Variants in LPAR3 observed in about 807,000 individuals in gnomAD.
LPAR3 encodes the protein LPA receptor 3.
A neutral mutation model predicts 17.8 loss-of-function variants in LPAR3; 7 were observed. That is an observed-to-expected ratio of 0.39 (90% CI 0.22 to 0.74). The LOEUF (loss-of-function observed/expected upper bound fraction) is 0.74, where lower values mean the gene tolerates loss of function less well. Among genes scored for constraint, LPAR3 ranks in the 30% least tolerant of loss-of-function variants. The pLI, the probability that LPAR3 is intolerant of heterozygous loss-of-function variation, is 0.40. For missense variants in LPAR3, 391 were observed against 453.4 expected (o/e 0.86, Z 1.25); for synonymous variants, 179 against 179.9 (o/e 0.99, Z 0.04).
intron 1 of LPAR3, among the ~76,000 whole-genome samples, chr1:84,885,560 C>T (rs1468513755): frequency 1.3e-5 from 2 of 152,190 alleles, no homozygotes; most frequent in African/African-American, 4.8e-5. Flanking sequence ...CTCTTTTCTT[C>T]CTTCCCCAGA....
intron 2 of LPAR3, among the ~76,000 whole-genome samples, chr1:84,830,041 T>C (rs1231293609): frequency 6.6e-6 from 1 of 152,174 alleles, no homozygotes; most frequent in Non-Finnish European, 1.5e-5. Context: ...TACTGAAATC[T>C]GACTGAAGGC....
chr1:84,838,492 A>G (rs1440535025), intron 2 of LPAR3, among the ~76,000 whole-genome samples: 1 of 152,206 alleles, frequency 6.6e-6, no homozygotes, highest in Non-Finnish European at 1.5e-5. Flanking sequence ...CCATCCCAAC[A>G]TGTGAAAAAT....
intron 2 of LPAR3, among the ~76,000 whole-genome samples, chr1:84,857,476 C>T (rs1425139809): frequency 2.0e-5 from 3 of 152,110 alleles, no homozygotes; most frequent in Non-Finnish European, 4.4e-5. Context: ...TTCCCCCCGC[C>T]GACTCCAAAG....
intron 1 of LPAR3, among the ~76,000 whole-genome samples, chr1:84,890,657 C>T (rs1056629837): frequency 6.6e-6 from 1 of 152,316 alleles, no homozygotes; most frequent in African/African-American, 2.4e-5. Flanking sequence ...TGCAAACAGA[C>T]TTAACCACTC....
intron 2 of LPAR3, among the ~76,000 whole-genome samples, chr1:84,830,976 A>C (rs926003561): frequency 1.4e-4 from 22 of 152,202 alleles, no homozygotes; most frequent in Admixed American, 1.2e-3. Context: ...TATCATGAGC[A>C]CACTGATACA....
intron 2 of LPAR3, among the ~76,000 whole-genome samples, chr1:84,852,051 ATTTTT>A (rs11289460): frequency 7.5e-6 from 1 of 132,668 alleles, no homozygotes. Flanking sequence ...TTGGTGACTA[ATTTTT>A]TTTTTTTTTT....
rs765129531 is a variant in LPAR3, at chr1:84,865,514, C to T, written c.607G>A (p.Val203Ile). ...ACGTAGATCCGCAGGTACACCACAA[C>T]CATGATGAGGAAGGCCATGAGGTTG... ...VSNLMAFLIM[V>I]VVYLRIYVYV... Residue 203 changes from valine (V) to isoleucine (I), a missense_variant, in exon 2 of 3, where the codon GTT becomes ATT. By Grantham distance (29) the Val-to-Ile change is conservative. Coordinates refer to ENST00000370611, the MANE Select transcript of LPAR3 (RefSeq NM_012152.3). 3 of 1,614,046 alleles carry T rather than the reference C, an allele frequency of 1.9e-6. No homozygotes were observed. The highest frequency in any genetic ancestry group is 2.2e-5 in the East Asian group (1 of 44,890).
At chr1:84,879,668 C>G (rs901156560) in intron 1 of LPAR3, among the ~76,000 whole-genome samples, 5 of 152,216 alleles carry the variant, frequency 3.3e-5, no homozygotes, top group African/African-American at 1.2e-4. Context: ...GGACGCCCAA[C>G]TGTACACTCG....
At chr1:84,861,206 C>T (rs912187345) in intron 2 of LPAR3, among the ~76,000 whole-genome samples, 2 of 152,228 alleles carry the variant, frequency 1.3e-5, no homozygotes, top group East Asian at 3.9e-4. Context: ...ATGGTTAATG[C>T]CAGCACTGTT....
At chr1:84,876,904 T>A (rs910656623) in intron 1 of LPAR3, among the ~76,000 whole-genome samples, 19 of 152,180 alleles carry the variant, frequency 1.2e-4, no homozygotes, top group African/African-American at 4.1e-4. Context: ...GTCCTCAATG[T>A]CCCCGCACAA....
intron 1 of LPAR3, among the ~76,000 whole-genome samples, chr1:84,882,722 A>C (rs2102773019): frequency 6.6e-6 from 1 of 152,380 alleles, no homozygotes; most frequent in Middle Eastern, 3.4e-3. Flanking sequence ...CCAAGAATTC[A>C]CAATGGAGAA....
chr1:84,820,673 C>CT (rs759631152), intron 2 of LPAR3, among the ~76,000 whole-genome samples: 7 of 152,066 alleles, frequency 4.6e-5, no homozygotes, highest in South Asian at 2.1e-4. Context: ...ACTAATAAGC[C>CT]TTTTTTAACC....
intron 1 of LPAR3, among the ~76,000 whole-genome samples, chr1:84,882,613 G>T (rs1660386754): frequency 6.6e-6 from 1 of 152,168 alleles, no homozygotes; most frequent in African/African-American, 2.4e-5. Flanking sequence ...ATGGTAGTAT[G>T]GTACTGGCAT....
intron 2 of LPAR3, among the ~76,000 whole-genome samples, chr1:84,838,575 C>T (rs937166342): frequency 2.0e-5 from 3 of 152,190 alleles, no homozygotes; most frequent in Admixed American, 6.5e-5. Flanking sequence ...TATTCTATCC[C>T]TCTGATGGTG....
Position 84,830,307 on chromosome 1 carries a change from A to G in LPAR3, c.737-16136T>C, listed in dbSNP as rs149167494. 6.2e-3 allele frequency among the ~76,000 whole-genome samples: 937 copies of G among 152,316 alleles called. 10 individuals carry two copies. The highest frequency in any genetic ancestry group is 0.022 in the African/African-American group (901 of 41,562). ...ACGCCCCCATTCCAGTTAATTAGAT[A>G]CATAAACAGACTACCCAGAGACAGG... On this transcript the variant is annotated intron_variant, in intron 2 of 2. Transcript: ENST00000370611.
chr1:84,886,379 A>G (rs1414256815), intron 1 of LPAR3, among the ~76,000 whole-genome samples: 1 of 152,104 alleles, frequency 6.6e-6, no homozygotes, highest in African/African-American at 2.4e-5. Context: ...TTTTTAAATT[A>G]GCCGGGAATG....
At chr1:84,823,257 G>T (rs920485287) in intron 2 of LPAR3, among the ~76,000 whole-genome samples, 3 of 152,098 alleles carry the variant, frequency 2.0e-5, no homozygotes, top group Non-Finnish European at 4.4e-5. Context: ...CGACATTAAA[G>T]AATTTGTTTA....
chr1:84,832,891 G>A (rs1168518504), intron 2 of LPAR3, among the ~76,000 whole-genome samples: 2 of 152,210 alleles, frequency 1.3e-5, no homozygotes, highest in Non-Finnish European at 2.9e-5. Context: ...CAGTTTGAAA[G>A]AATCCTCTAT....
intron 2 of LPAR3, among the ~76,000 whole-genome samples, chr1:84,845,401 AC>A (rs1230586104): frequency 6.6e-6 from 1 of 152,200 alleles, no homozygotes; most frequent in African/African-American, 2.4e-5. Context: ...GGAAAGCAGA[AC>A]TAGAATCAAA....
Sources: allele counts gnomAD v4.1 joint callset (sites outside exome capture counted in the v4.1 genomes callset), GRCh38; gene constraint gnomAD v4.1.1; transcripts MANE v1.5; gene names NCBI Gene and HGNC (gene_info 2026-07-23, HGNC 2026-07-21).